The following NAV3 variants were observed in gnomAD, a reference collection of about 807,000 sequenced individuals.
The protein encoded by NAV3 is pore membrane and/or filament interacting like protein 1.
A neutral mutation model predicts 244.7 loss-of-function variants in NAV3; 87 were observed. That is an observed-to-expected ratio of 0.36 (90% CI 0.30 to 0.42). NAV3 has a LOEUF of 0.42. Among genes scored for constraint, NAV3 ranks in the 20% least tolerant of loss-of-function variants. NAV3 has a pLI of 1.00. For synonymous variants in NAV3, 1,126 were observed against 1,042.2 expected, an observed-to-expected ratio of 1.08 and a Z score of -1.55; for missense variants, 2,663 against 2,893.3, an observed-to-expected ratio of 0.92 and a Z score of 1.83.
intron 2 of NAV3, among the ~76,000 whole-genome samples, chr12:77,755,581 T>TCCTCCCTACCTC (rs1695519008): frequency 1.2e-4 from 1 of 8,432 alleles, no homozygotes; most frequent in African/African-American, 9.5e-4. Context: ...TCCTTTCCTT[T>TCCTCCCTACCTC]CCTCCCTCCC....
At chr12:77,876,706 T>C (rs1592864573) in intron 1 of NAV3, among the ~76,000 whole-genome samples, 1 of 152,192 alleles carries the variant, frequency 6.6e-6, no homozygotes, top group East Asian at 1.9e-4. Flanking sequence ...ATATTGATGA[T>C]GTACAAGCCA....
At chr12:78,052,418 A>T (rs890784016) in intron 11 of NAV3, among the ~76,000 whole-genome samples, 1 of 152,138 alleles carries the variant, frequency 6.6e-6, no homozygotes, top group African/African-American at 2.4e-5. Context: ...AATCTCTCCC[A>T]TTCACTATCT....
intron 2 of NAV3, among the ~76,000 whole-genome samples, chr12:77,713,740 C>A (rs1876230094): frequency 6.6e-6 from 1 of 152,038 alleles, no homozygotes; most frequent in African/African-American, 2.4e-5. Context: ...AATGTACCAG[C>A]AAGAACTGAA....
chr12:78,037,063 C>A, intron 9 of NAV3: 1 of 702,898 alleles, frequency 1.4e-6, no homozygotes, highest in South Asian at 1.5e-5. Context: ...GAGCGGCGCT[C>A]ACTGTCCAAG....
At chr12:77,778,423 T>C (rs1396105116) in intron 2 of NAV3, among the ~76,000 whole-genome samples, 7 of 151,214 alleles carry the variant, frequency 4.6e-5, no homozygotes, top group Admixed American at 4.6e-4. Flanking sequence ...CAATCCTGGC[T>C]AACACGGTGA....
intron 2 of NAV3, among the ~76,000 whole-genome samples, chr12:77,807,305 G>A (rs930675252): frequency 3.9e-5 from 6 of 152,128 alleles, no homozygotes. Context: ...TTTTTGCAGT[G>A]GCTGGTACTG....
intron 16 of NAV3, 23 bp downstream of exon 16, chr12:78,122,451 A>C: frequency 1.9e-6 from 3 of 1,555,138 alleles, no homozygotes; most frequent in Non-Finnish European, 1.7e-6. Context: ...GGAGGCATTG[A>C]TAACATCTTC....
intron 2 of NAV3, among the ~76,000 whole-genome samples, chr12:77,588,759 G>T (rs1869762131): frequency 6.6e-6 from 1 of 152,086 alleles, no homozygotes; most frequent in East Asian, 1.9e-4. Context: ...GAAAAGTACA[G>T]GTATGAATTG....
chr12:78,012,814 T>C (rs1453177922), intron 8 of NAV3, among the ~76,000 whole-genome samples: 2 of 152,142 alleles, frequency 1.3e-5, no homozygotes, highest in Non-Finnish European at 2.9e-5. Flanking sequence ...TTTTCTTGTT[T>C]ACTTATTAAC....
chr12:77,629,936 A>T (rs888885751), intron 2 of NAV3, among the ~76,000 whole-genome samples: 22 of 152,196 alleles, frequency 1.4e-4, no homozygotes, highest in African/African-American at 5.3e-4. Flanking sequence ...CAACACCAGC[A>T]TCCTCAAAAT....
At position 78,198,776 on chromosome 12, in the gene NAV3, G is replaced by T. The variant is rs1420611835; in HGVS notation, c.6518+100G>T. On this transcript the variant is annotated intron_variant, in intron 36 of 39. Transcript: ENST00000397909. ...TTGTTTCTTCCTGTTTGTTTTTGTG[G>T]TTTGTTTTTCCATTTGTACTTTGAC... 1.9e-5 allele frequency: 16 copies of T among 849,886 alleles called. No individual in the cohort carries two copies. In the African/African-American group the frequency reaches 2.8e-4, roughly 15 times the overall value. 52.6% of individuals were successfully genotyped at this position (849,886 alleles called of 1,614,324 possible).
chr12:77,723,980 T>C (rs1876763719), intron 2 of NAV3, among the ~76,000 whole-genome samples: 1 of 151,820 alleles, frequency 6.6e-6, no homozygotes, highest in Non-Finnish European at 1.5e-5. Flanking sequence ...AGTTTTTGTA[T>C]TTTTCTATTC....
intron 9 of NAV3, among the ~76,000 whole-genome samples, chr12:78,033,963 T>C (rs1879423496): frequency 6.6e-6 from 1 of 152,204 alleles, no homozygotes; most frequent in Non-Finnish European, 1.5e-5. Flanking sequence ...AGGATTGCTC[T>C]TGTAGCATGG....
chr12:78,046,012 AT>A (rs1285046288), intron 9 of NAV3, among the ~76,000 whole-genome samples: 3 of 152,080 alleles, frequency 2.0e-5, no homozygotes, highest in Admixed American at 2.0e-4. Context: ...TTTCTAGTTT[AT>A]TTGCATAGTA....
chr12:78,201,977 G>A lies in NAV3; in HGVS notation c.6834+1386G>A, dbSNP rs189577419. 2.9e-3 allele frequency among the ~76,000 whole-genome samples: 445 copies of A among 151,982 alleles called. 2 individuals carry two copies. The highest frequency in any genetic ancestry group is 0.01 in the African/African-American group (434 of 41,454). ...TTCTGGTGAACATGATGAATTTTAT[G>A]AGGATACTCTGAAGCCTCAGAGATA... On this transcript the variant is annotated intron_variant, in intron 38 of 39. Coordinates refer to ENST00000397909, the MANE Select transcript of NAV3 (RefSeq NM_001024383.2).
At chr12:77,705,743 A>G (rs1875768470) in intron 2 of NAV3, among the ~76,000 whole-genome samples, 1 of 151,428 alleles carries the variant, frequency 6.6e-6, no homozygotes, top group Non-Finnish European at 1.5e-5. Flanking sequence ...GCTGGTAATT[A>G]TATAGTACAA....
At chr12:78,045,041 A>T (rs1178343115) in intron 9 of NAV3, among the ~76,000 whole-genome samples, 4 of 152,136 alleles carry the variant, frequency 2.6e-5, no homozygotes, top group East Asian at 1.9e-4. Flanking sequence ...GCTTTTGCCC[A>T]TTCAGTATGA....
intron 20 of NAV3, among the ~76,000 whole-genome samples, chr12:78,144,474 T>C (rs1956766827): frequency 2.0e-5 from 3 of 152,114 alleles, no homozygotes; most frequent in African/African-American, 7.2e-5. Context: ...TATATTAATA[T>C]TCTGGCTCAT....
intron 20 of NAV3, among the ~76,000 whole-genome samples, chr12:78,146,160 C>T (rs1264069307): frequency 6.6e-6 from 1 of 151,662 alleles, no homozygotes; most frequent in Non-Finnish European, 1.5e-5. Flanking sequence ...TTTAAGAATA[C>T]CTTATGGTTT....
Sources: gnomAD v4.1 joint callset for allele counts (sites outside exome capture counted in the v4.1 genomes callset) on GRCh38, gnomAD v4.1.1 for gene constraint, MANE v1.5 for transcripts, NCBI Gene and HGNC (gene_info 2026-07-23, HGNC 2026-07-21) for gene names.